STK31: variants seen among roughly 807,000 people sequenced by gnomAD.
STK31 encodes serine/threonine-protein kinase 31.
STK31 carries 89 observed loss-of-function variants against 129.7 expected under a neutral mutation model. That is an observed-to-expected ratio of 0.69 (90% CI 0.58 to 0.82). STK31 has a LOEUF of 0.82. STK31 is among the 40% of genes least tolerant of loss of function. STK31 has a pLI of 0.00. For synonymous variants in STK31, 448 were observed against 395.3 expected (o/e 1.13, Z -1.58); for missense variants, 1,187 against 1,176.4 (o/e 1.01, Z -0.13).
chr7:23,774,746 A>G (rs1043044454), intron 15 of STK31, among the ~76,000 whole-genome samples: 6 of 152,124 alleles, frequency 3.9e-5, no homozygotes, highest in African/African-American at 1.4e-4. Context: ...CTCTGATAGT[A>G]GTTTCTTTTG....
chr7:23,772,598 A>C (rs1790268916), intron 15 of STK31, among the ~76,000 whole-genome samples: 1 of 152,178 alleles, frequency 6.6e-6, no homozygotes, highest in Non-Finnish European at 1.5e-5. Flanking sequence ...TTGTAATACC[A>C]ACTTGCTACA....
chr7:23,808,496 G>A (rs1792862392), intron 22 of STK31, among the ~76,000 whole-genome samples: 1 of 151,984 alleles, frequency 6.6e-6, no homozygotes, highest in African/African-American at 2.4e-5. Flanking sequence ...TGGGGAGTGG[G>A]CAATGAAAAA....
intron 23 of STK31, among the ~76,000 whole-genome samples, chr7:23,819,297 G>A (rs1170941136): frequency 1.3e-5 from 2 of 152,134 alleles, no homozygotes; most frequent in Admixed American, 6.6e-5. Flanking sequence ...TTTACTGAAT[G>A]TCTGCTATAT....
At chr7:23,720,805 T>C (rs2128065729) in intron 4 of STK31, among the ~76,000 whole-genome samples, 1 of 152,222 alleles carries the variant, frequency 6.6e-6, no homozygotes, top group African/African-American at 2.4e-5. Flanking sequence ...TACAGTTTTG[T>C]ACCCATATAT....
intron 10 of STK31, 46 bp downstream of exon 10, chr7:23,754,520 T>A (rs1562574442): frequency 1.3e-6 from 2 of 1,534,578 alleles, no homozygotes; most frequent in Non-Finnish European, 1.8e-6. Flanking sequence ...CTGTTGAACA[T>A]AAGGAAGTGT....
chr7:23,799,735 A>C (rs1040526515), intron 22 of STK31, among the ~76,000 whole-genome samples: 4 of 152,248 alleles, frequency 2.6e-5, no homozygotes, highest in African/African-American at 9.6e-5. Flanking sequence ...CAAAATTGAC[A>C]AATGGGATCT....
Position 23,787,999 on chromosome 7 carries a change from A to G in STK31, c.2507A>G (p.Lys836Arg), listed in dbSNP as rs151202953. ...CTATAGGAAACTTTAAAGGTCATGA[A>G]AGGTGTTGCCCAGGGTCTGCATACA... ...LNSEETLKVM[K>R]GVAQGLHTLH... The change falls in exon 21 of 24, where the codon AAA (lysine) becomes AGA (arginine). Residue 836 changes from lysine to arginine, a missense_variant. Around this residue, in one of 5 missense-constraint regions of STK31, gnomAD observed 975 missense variants for 934.9 expected, o/e 1.04. Coordinates refer to ENST00000355870, the MANE Select transcript of STK31 (RefSeq NM_031414.5). 391 of 1,575,852 alleles carry G rather than the reference A, an allele frequency of 2.5e-4. 1 individual carries two copies. The African/African-American group carries it at 4.7e-3, about 19-fold the overall frequency.
chr7:23,714,789 T>C (rs1475126085), intron 3 of STK31, among the ~76,000 whole-genome samples: 1 of 152,204 alleles, frequency 6.6e-6, no homozygotes, highest in Non-Finnish European at 1.5e-5. Flanking sequence ...AGCAGTTTTT[T>C]TTTTGTAAAG....
At chr7:23,788,873 A>G (rs1791455810) in intron 21 of STK31, among the ~76,000 whole-genome samples, 1 of 152,182 alleles carries the variant, frequency 6.6e-6, no homozygotes, top group South Asian at 2.1e-4. Context: ...GTACATTCAC[A>G]AAGTCGTGCA....
At chr7:23,794,447 G>C (rs1055335869) in intron 22 of STK31, among the ~76,000 whole-genome samples, 1 of 152,172 alleles carries the variant, frequency 6.6e-6, no homozygotes, top group Non-Finnish European at 1.5e-5. Context: ...CCCAGTCTTG[G>C]GGATGTCTTT....
intron 1 of STK31, 82 bp downstream of exon 1, chr7:23,710,417 A>G (rs878938269): frequency 1.7e-5 from 27 of 1,602,454 alleles, no homozygotes; most frequent in Middle Eastern, 1.7e-4. Flanking sequence ...TAAGTCTCCA[A>G]TCCTGGGACG....
intron 22 of STK31, among the ~76,000 whole-genome samples, chr7:23,798,058 C>T (rs1414941984): frequency 1.3e-5 from 2 of 152,000 alleles, no homozygotes; most frequent in Admixed American, 6.6e-5. Flanking sequence ...AGCAAGAAGT[C>T]GAATCCCTGA....
chr7:23,745,128 G>A (rs997068620), intron 8 of STK31, among the ~76,000 whole-genome samples: 5 of 152,222 alleles, frequency 3.3e-5, no homozygotes, highest in Non-Finnish European at 7.3e-5. Context: ...GCATGTGCAA[G>A]TGGATGCCAG....
intron 11 of STK31, among the ~76,000 whole-genome samples, chr7:23,768,110 G>A (rs1173411524): frequency 6.6e-6 from 1 of 152,086 alleles, no homozygotes; most frequent in East Asian, 1.9e-4. Flanking sequence ...ACAGTCAAGG[G>A]CTGCATGGTT....
intron 4 of STK31, among the ~76,000 whole-genome samples, chr7:23,723,839 T>G (rs888806785): frequency 2.6e-5 from 4 of 152,166 alleles, no homozygotes; most frequent in Non-Finnish European, 4.4e-5. Context: ...ATTCTTCACT[T>G]TGTTGAGTAC....
At position 23,736,034 on chromosome 7, in the gene STK31, C is replaced by T; in HGVS notation, c.842+138C>T. The stretch of plus-strand genomic sequence containing the variant: ...GGCTGATGCTGATATTTCTGTTTTT[C>T]TCAAATGTATTCCTCTCTGCTTTAG... On this transcript the variant is annotated intron_variant, in intron 7 of 23. Transcript: ENST00000355870. The T allele has an allele frequency of 5.9e-6, 4 of 677,608 alleles. No homozygotes were observed. In the South Asian group the frequency reaches 9.5e-5, roughly 16 times the overall value. The allele number at this position is 677,608 out of a possible 1,614,324, so 42.0% of individuals were successfully genotyped here. A position where few individuals can be genotyped will look rare whatever the true frequency, so the allele number is the denominator to read the frequency against.
At chr7:23,816,004 T>A (rs772158202) in intron 23 of STK31, among the ~76,000 whole-genome samples, 22 of 152,162 alleles carry the variant, frequency 1.4e-4, no homozygotes, top group Non-Finnish European at 3.2e-4. Context: ...TATAATTTTG[T>A]TAAACTCAGT....
At position 23,762,276 on chromosome 7, in the gene STK31, C is replaced by T. The variant is rs953144498; in HGVS notation, c.1294-525C>T. On this transcript the variant is annotated intron_variant, in intron 10 of 23. Transcript: ENST00000355870. ...GATAAAAATTTTTAAAAGACATATC[C>T]TTTCTTTCTTTCTTGGGTACAGGAT... is the stretch of plus-strand genomic sequence containing the variant. 9.1e-5 allele frequency among the ~76,000 whole-genome samples: 13 copies of T among 142,828 alleles called. 1 individual carries two copies. The South Asian group carries it at 2.8e-3, about 31-fold the overall frequency. 93.7% of individuals were successfully genotyped at this position (142,828 alleles called of 152,430 possible).
At chr7:23,783,030 G>T (rs536294130) in intron 16 of STK31, among the ~76,000 whole-genome samples, 5 of 152,216 alleles carry the variant, frequency 3.3e-5, no homozygotes, top group Non-Finnish European at 7.4e-5. Flanking sequence ...AAGGAGCAAT[G>T]AACAATTCGC....
Sources: gnomAD v4.1 joint callset for allele counts (sites outside exome capture counted in the v4.1 genomes callset) on GRCh38, gnomAD v4.1.1 for gene constraint, gnomAD v4.1.1 regional missense constraint, MANE v1.5 for transcripts, NCBI Gene and HGNC (gene_info 2026-07-23, HGNC 2026-07-21) for gene names.